Variants in RGS21 observed in about 807,000 individuals in gnomAD.
RGS21 encodes the protein regulator of G-protein signalling 21.
A neutral mutation model predicts 18.7 loss-of-function variants in RGS21; 19 were observed. The ratio of observed to expected loss-of-function variants is 1.01; its 90% CI spans 0.71 to 1.49. The LOEUF is 1.49. Ranked by LOEUF, RGS21 falls within the 40% of genes most tolerant of loss-of-function variation. RGS21 has a pLI of 0.00. For missense variants in RGS21, 194 were observed against 176.8 expected (o/e 1.10, Z -0.55); for synonymous variants, 56 against 57.8 (o/e 0.97, Z 0.14).
At chr1:192,365,014 T>C (rs2102240190) in intron 4 of RGS21, among the ~76,000 whole-genome samples, 1 of 151,874 alleles carries the variant, frequency 6.6e-6, no homozygotes, top group South Asian at 2.1e-4. Flanking sequence ...AGCACACCTG[T>C]AATCCCAGCT....
intron 1 of RGS21, among the ~76,000 whole-genome samples, chr1:192,331,541 G>A (rs569982896): frequency 4.8e-4 from 61 of 127,800 alleles, no homozygotes; most frequent in South Asian, 1.9e-3. Context: ...GCAAGACTCC[G>A]TCTCTAAATA....
intron 4 of RGS21, among the ~76,000 whole-genome samples, chr1:192,363,187 T>G (rs1659210484): frequency 6.6e-6 from 1 of 152,132 alleles, no homozygotes; most frequent in Non-Finnish European, 1.5e-5. Flanking sequence ...GGTATTACAT[T>G]GTAAAGGCCA....
chr1:192,343,210 A>T (rs1462757296), intron 2 of RGS21, among the ~76,000 whole-genome samples, 163 bp downstream of exon 2: 2 of 152,032 alleles, frequency 1.3e-5, no homozygotes, highest in African/African-American at 4.8e-5. Context: ...TCTTTTTGAA[A>T]ACATGTCAAG....
intron 4 of RGS21, among the ~76,000 whole-genome samples, chr1:192,355,152 C>T (rs1374242331): frequency 6.6e-6 from 1 of 151,620 alleles, no homozygotes; most frequent in Non-Finnish European, 1.5e-5. Flanking sequence ...CCTGATCCCT[C>T]ACTTGTGTAA....
intron 2 of RGS21, 32 bp downstream of exon 2, chr1:192,343,079 A>G: frequency 6.2e-7 from 1 of 1,606,706 alleles, no homozygotes. Context: ...TTTTTATCTC[A>G]GAAGATGTAC....
intron 1 of RGS21, among the ~76,000 whole-genome samples, chr1:192,320,210 T>C (rs1658476240): frequency 6.6e-6 from 1 of 151,906 alleles, no homozygotes; most frequent in Non-Finnish European, 1.5e-5. Context: ...CTGGGTGAAA[T>C]AATCTGTTCA....
At chr1:192,326,539 T>C (rs372532177) in intron 1 of RGS21, among the ~76,000 whole-genome samples, 47 of 152,260 alleles carry the variant, frequency 3.1e-4, no homozygotes, top group African/African-American at 1.1e-3. Flanking sequence ...ATGTTTGTCA[T>C]ATTGCTTAAT....
chr1:192,361,436 G>A (rs370956188), intron 4 of RGS21, among the ~76,000 whole-genome samples: 3 of 152,098 alleles, frequency 2.0e-5, no homozygotes, highest in Admixed American at 6.6e-5. Flanking sequence ...TCCACTTCAC[G>A]AACTATTGAA....
At chr1:192,318,694 A>C (rs1027161393) in intron 1 of RGS21, among the ~76,000 whole-genome samples, 1 of 152,094 alleles carries the variant, frequency 6.6e-6, no homozygotes, top group Non-Finnish European at 1.5e-5. Flanking sequence ...TAATCTTCAT[A>C]CTCATCATTG....
intron 1 of RGS21, among the ~76,000 whole-genome samples, chr1:192,337,156 A>G (rs1333335137): frequency 6.6e-6 from 1 of 152,058 alleles, no homozygotes; most frequent in Non-Finnish European, 1.5e-5. Flanking sequence ...AATTTGTGTT[A>G]CTTCCATTTT....
intron 4 of RGS21, among the ~76,000 whole-genome samples, chr1:192,359,743 G>C (rs995369908): frequency 2.0e-4 from 28 of 143,308 alleles, no homozygotes; most frequent in African/African-American, 7.4e-4. Flanking sequence ...TAGAGAGACA[G>C]TTATATATAA....
At chr1:192,317,467 A>G (rs886698310) in intron 1 of RGS21, among the ~76,000 whole-genome samples, 1 of 151,706 alleles carries the variant, frequency 6.6e-6, no homozygotes, top group Non-Finnish European at 1.5e-5. Flanking sequence ...AATCTATCTC[A>G]TACTTTTCTT....
At chr1:192,347,239 C>A (rs1194678686) in intron 2 of RGS21, 74 bp from the exon 3 acceptor site, 2 of 909,516 alleles carry the variant, frequency 2.2e-6, no homozygotes, top group Non-Finnish European at 3.6e-6. Context: ...AATGATGTAA[C>A]TCAAAATACA....
intron 4 of RGS21, among the ~76,000 whole-genome samples, chr1:192,353,274 C>A (rs1659069959): frequency 6.6e-6 from 1 of 151,914 alleles, no homozygotes; most frequent in Non-Finnish European, 1.5e-5. Flanking sequence ...ATTACTGCAG[C>A]ATATATTAGT....
intron 1 of RGS21, among the ~76,000 whole-genome samples, chr1:192,327,041 G>T (rs1017188307): frequency 2.6e-5 from 4 of 152,086 alleles, no homozygotes; most frequent in African/African-American, 9.7e-5. Context: ...GAGTCCTAGA[G>T]AAGTCAGCCA....
chr1:192,322,772 A>T (rs955067271), intron 1 of RGS21, among the ~76,000 whole-genome samples: 1 of 152,176 alleles, frequency 6.6e-6, no homozygotes, highest in South Asian at 2.1e-4. Flanking sequence ...TCTTAAACTA[A>T]GATTCTAATA....
rs1171643910 is a variant in RGS21 at position 192,367,265 on chromosome 1, A to T, written c.*1141A>T. On this transcript the variant is annotated 3_prime_UTR_variant, in exon 5 of 5. Coordinates refer to ENST00000417209, the MANE Select transcript of RGS21 (RefSeq NM_001039152.3). ...TTGTCTTCCCTTCATCATGAGAAAT[A>T]AACATTTAAACATATTCAAATGGAA... 1.7e-5 allele frequency: 2 copies of T among 118,348 alleles called. No individual in the cohort carries two copies. The highest frequency in any genetic ancestry group is 4.2e-5 in the Non-Finnish European group (2 of 47,868). The allele number at this position is 118,348 out of a possible 1,614,324, so 7.3% of individuals were successfully genotyped here. A position where few individuals can be genotyped will look rare whatever the true frequency, so the allele number is the denominator to read the frequency against.
intron 2 of RGS21, among the ~76,000 whole-genome samples, chr1:192,345,904 A>G (rs972554272): frequency 3.3e-5 from 5 of 152,098 alleles, no homozygotes; most frequent in Non-Finnish European, 2.9e-5. Flanking sequence ...TATAGAGTAC[A>G]CAAAATATCT....
chr1:192,333,688 T>C (rs1571452370), intron 1 of RGS21, among the ~76,000 whole-genome samples: 1 of 148,050 alleles, frequency 6.8e-6, no homozygotes, highest in African/African-American at 2.5e-5. Flanking sequence ...TTAGGGATGA[T>C]GCAGAGAAGG....
Sources: gnomAD v4.1 joint callset for allele counts (sites outside exome capture counted in the v4.1 genomes callset) on GRCh38, gnomAD v4.1.1 for gene constraint, MANE v1.5 for transcripts, NCBI Gene and HGNC (gene_info 2026-07-23, HGNC 2026-07-21) for gene names.